The following SPG11 variants were observed in gnomAD, a reference collection of about 807,000 sequenced individuals.
SPG11 encodes spatacsin.
Under a neutral mutation model 274.0 loss-of-function variants are expected in SPG11, and 222 were observed. The ratio of observed to expected loss-of-function variants is 0.81; its 90% confidence interval spans 0.73 to 0.91. The LOEUF is 0.91. SPG11 is among the 40% of genes least tolerant of loss of function. The pLI is 0.00. For synonymous variants in SPG11, 1,144 were observed against 1,039.7 expected (o/e 1.10, Z -1.93); for missense variants, 3,114 against 2,872.7 (o/e 1.08, Z -1.92).
intron 6 of SPG11, 71 bp downstream of exon 6, chr15:44,651,420 G>A (rs1055311586): frequency 2.9e-6 from 4 of 1,366,124 alleles, no homozygotes; most frequent in Admixed American, 1.9e-5. Flanking sequence ...AGGCACTGAG[G>A]CAGAAGTAAA....
chr15:44,600,892 G>T (rs1000392837), intron 20 of SPG11, among the ~76,000 whole-genome samples: 1 of 152,156 alleles, frequency 6.6e-6, no homozygotes, highest in African/African-American at 2.4e-5. Flanking sequence ...GGTGGCTCAC[G>T]CCTGTAATCC....
At position 44,610,948 on chromosome 15, in the gene SPG11, A is replaced by T; in HGVS notation, c.3183T>A (p.Ala1061=). ...CCTGATTGGTGGGAATCAAAATCTG[A>T]GCATTTGCAAGGCTAGCCTGGAAGA... is the stretch of plus-strand genomic sequence containing the variant. ...KLIFQASLAN[A]QILIPTNQAS... is the part of the protein sequence containing the mutation. The change falls in exon 18 of 40, where the codon GCT becomes GCA. Residue 1061 remains alanine, a synonymous_variant. Transcript: ENST00000261866. The T allele has an allele frequency of 6.2e-7, 1 of 1,614,056 alleles. No individual in the cohort carries two copies.
rs933216011 is a variant in SPG11, at chr15:44,621,950, T to A, written c.2445-16A>T. 3 of 1,585,416 alleles carry A rather than the reference T, an allele frequency of 1.9e-6. No homozygotes were observed. The highest frequency in any genetic ancestry group is 2.3e-5 in the East Asian group (1 of 44,232). Reference sequence around the variant, plus strand: ...TATCCAGTACCTAAAAACAGTGATATAAATTTTTTTTTTTTTAATTTTGGA... The same window carrying A: ...TATCCAGTACCTAAAAACAGTGATAAAAATTTTTTTTTTTTTAATTTTGGA... On this transcript the variant is annotated splice_polypyrimidine_tract_variant and intron_variant, in intron 13 of 39. Transcript: ENST00000261866.
intron 28 of SPG11, among the ~76,000 whole-genome samples, chr15:44,586,690 A>T (rs2140952082): frequency 6.6e-6 from 1 of 152,286 alleles, no homozygotes; most frequent in South Asian, 2.1e-4. Context: ...AACTCAATCT[A>T]CACATCTGGC....
At chr15:44,583,696 A>G in intron 30 of SPG11, 118 bp downstream of exon 30, 1 of 1,353,222 alleles carries the variant, frequency 7.4e-7, no homozygotes, top group Non-Finnish European at 1.0e-6. Context: ...TTACCTGGAA[A>G]AAAGTTGTTG....
intron 29 of SPG11, 26 bp downstream of exon 29, chr15:44,585,602 TAAAAAAAA>T: frequency 5.0e-6 from 6 of 1,193,766 alleles, no homozygotes; most frequent in East Asian, 5.5e-5. Flanking sequence ...ACCCCGTATC[TAAAAAAAA>T]AAAAAAAAAA....
chr15:44,578,035 T>C (rs1186057378), intron 30 of SPG11, among the ~76,000 whole-genome samples: 2 of 146,492 alleles, frequency 1.4e-5, no homozygotes, highest in Non-Finnish European at 3.0e-5. Flanking sequence ...TTTTTTTTTT[T>C]TTTTTTTGAG....
In SPG11 at chr15:44,629,374, T is replaced by C; in HGVS notation, c.1750A>G (p.Ile584Val). ...HLYLRNVEEL[I>V]PALDLLCSAI... The stretch of plus-strand genomic sequence containing the variant: ...GAGCAAAGTAAATCCAATGCTGGTA[T>C]CAGCTCTTCCACATCTGAGAAAGAA... Residue 584 changes from isoleucine to valine, a missense_variant, in exon 9 of 40, where the codon ATA (isoleucine) becomes GTA (valine). Coordinates refer to ENST00000261866, the MANE Select transcript of SPG11 (RefSeq NM_025137.4). 1 of 1,614,094 alleles carries C rather than the reference T, an allele frequency of 6.2e-7. No individual in the cohort carries two copies. The highest frequency in any genetic ancestry group is 8.5e-7 in the Non-Finnish European group (1 of 1,179,984).
chr15:44,663,604 C>G lies in SPG11; in HGVS notation c.44G>C (p.Gly15Ala). ...CCCCATGGCCGCGGTGCCCCAGCTA[C>G]CGCCGGCGGAAGCAGCACTCGCGAC... ...EGVASAASAG[G>A]SWGTAAMGRV... Residue 15 changes from glycine (G) to alanine (A), a missense_variant, in exon 1 of 40, where the codon GGT becomes GCT. Transcript: ENST00000261866. 1 of 1,596,698 alleles carries G rather than the reference C, an allele frequency of 6.3e-7. No individual in the cohort carries two copies. The highest frequency in any genetic ancestry group is 8.5e-7 in the Non-Finnish European group (1 of 1,175,406).
In SPG11 at chr15:44,567,440, A is replaced by C. The variant is rs776998679; in HGVS notation, c.6738T>G (p.Ile2246Met). The C allele has an allele frequency of 5.6e-6, 9 of 1,613,660 alleles. No individual in the cohort carries two copies. In the South Asian group the frequency reaches 8.8e-5, roughly 16 times the overall value. Residue 2246 changes from isoleucine to methionine, a missense_variant, in exon 36 of 40, where the codon ATT becomes ATG. Coordinates refer to ENST00000261866, the MANE Select transcript of SPG11 (RefSeq NM_025137.4). Reference sequence around the variant, plus strand: ...CTCACTCACCCCAGGGCTGAGACTCAATCAATTTCAGTTGGATGCGGGCAG... The same window carrying C: ...CTCACTCACCCCAGGGCTGAGACTCCATCAATTTCAGTTGGATGCGGGCAG... ...EAAARIQLKLIESQPWEDSLK... is the reference protein window; with the variant it reads ...EAAARIQLKLMESQPWEDSLK...
chr15:44,657,426 G>A, intron 3 of SPG11, 130 bp from the exon 4 acceptor site: 3 of 785,194 alleles, frequency 3.8e-6, no homozygotes, highest in Non-Finnish European at 6.2e-6. Context: ...ACTGAAAACT[G>A]AGGCAAGCCC....
intron 7 of SPG11, among the ~76,000 whole-genome samples, chr15:44,645,589 A>T (rs2084583966): frequency 1.3e-5 from 2 of 152,202 alleles, no homozygotes; most frequent in African/African-American, 2.4e-5. Flanking sequence ...CACCAAAAGC[A>T]ATTGCAACAA....
chr15:44,651,830 C>T lies in SPG11; in HGVS notation c.1117G>A (p.Glu373Lys), dbSNP rs754913676. The change falls in exon 6 of 40, where the codon GAA (glutamate) becomes AAA (lysine). Residue 373 changes from glutamate to lysine, a missense_variant. Physicochemically the swap from Glu to Lys is moderately conservative, Grantham distance 56. Transcript: ENST00000261866. ...ACACTTGTACTGTGGTTACCAGATT[C>T]AGGTGACTCCAAATGCAAAATATCC... ...FQDILHLESPESGNHSTSVQS... is the reference protein window; with the variant it reads ...FQDILHLESPKSGNHSTSVQS... 1 of 1,614,082 alleles carries T rather than the reference C, an allele frequency of 6.2e-7. No homozygotes were observed. Among genetic ancestry groups the T allele is most frequent in the Non-Finnish European group, 8.5e-7 (1 of 1,179,998 alleles).
intron 11 of SPG11, among the ~76,000 whole-genome samples, chr15:44,626,042 C>T (rs2083889131): frequency 1.3e-5 from 2 of 151,668 alleles, no homozygotes; most frequent in African/African-American, 2.4e-5. Flanking sequence ...TAAGCCACCA[C>T]GTCCTTTTTA....
chr15:44,609,838 C>T (rs2083413937), intron 18 of SPG11, among the ~76,000 whole-genome samples: 1 of 148,810 alleles, frequency 6.7e-6, no homozygotes, highest in Admixed American at 6.7e-5. Flanking sequence ...CTCAAGTAAT[C>T]GTGTCTCAGC....
chr15:44,650,510 T>C (rs1267571387), intron 6 of SPG11, among the ~76,000 whole-genome samples: 2 of 151,054 alleles, frequency 1.3e-5, no homozygotes, highest in Non-Finnish European at 3.0e-5. Flanking sequence ...AAAAATTAGC[T>C]GGGAGTGGTG....
intron 20 of SPG11, among the ~76,000 whole-genome samples, chr15:44,600,969 T>C (rs757220718): frequency 6.6e-6 from 1 of 152,066 alleles, no homozygotes; most frequent in South Asian, 2.1e-4. Context: ...CCTGACCAAG[T>C]TGGAGAAACC....
At chr15:44,654,445 T>C (rs1287287885) in intron 4 of SPG11, among the ~76,000 whole-genome samples, 1 of 151,288 alleles carries the variant, frequency 6.6e-6, no homozygotes, top group Non-Finnish European at 1.5e-5. Flanking sequence ...GAGGCGGACC[T>C]TGCAGTGGGC....
chr15:44,601,719 T>A (rs897825144), intron 20 of SPG11, among the ~76,000 whole-genome samples: 10 of 151,818 alleles, frequency 6.6e-5, no homozygotes, highest in African/African-American at 2.4e-4. Context: ...CCACCACACC[T>A]AGCTAATTTT....
Sources: gnomAD v4.1 joint callset for allele counts (sites outside exome capture counted in the v4.1 genomes callset) on GRCh38, gnomAD v4.1.1 for gene constraint, MANE v1.5 for transcripts, NCBI Gene and HGNC (gene_info 2026-07-23, HGNC 2026-07-21) for gene names.